Variants in GALNT14 observed in about 807,000 individuals in gnomAD.
GALNT14 encodes polypeptide N-acetylgalactosaminyltransferase 14.
GALNT14 carries 60 observed loss-of-function variants against 77.5 expected under a neutral mutation model. The ratio of observed to expected loss-of-function variants is 0.77; its 90% CI spans 0.63 to 0.96. The LOEUF is 0.96. GALNT14 is among the 40% of genes least tolerant of loss of function. GALNT14 has a pLI of 0.00. For missense variants in GALNT14, 710 were observed against 731.0 expected (o/e 0.97, Z 0.33); for synonymous variants, 280 against 281.7 (o/e 0.99, Z 0.06).
chr2:31,079,112 T>C, intron 1 of GALNT14: 1 of 1,200,454 alleles, frequency 8.3e-7, no homozygotes, highest in Non-Finnish European at 1.1e-6. Context: ...ATATTTGGCA[T>C]AGGTGACCAC....
chr2:31,027,509 C>G (rs1672142135), intron 1 of GALNT14, among the ~76,000 whole-genome samples: 1 of 151,826 alleles, frequency 6.6e-6, no homozygotes, highest in Non-Finnish European at 1.5e-5. Flanking sequence ...GACCATATAC[C>G]TTCAACCTCA....
chr2:30,916,927 A>T (rs1244727268), intron 13 of GALNT14, among the ~76,000 whole-genome samples: 1 of 151,846 alleles, frequency 6.6e-6, no homozygotes, highest in African/African-American at 2.4e-5. Context: ...ATATACAAAA[A>T]TTAGCCAGGT....
intron 1 of GALNT14, among the ~76,000 whole-genome samples, chr2:31,079,598 C>T (rs1676029303): frequency 6.6e-6 from 1 of 152,194 alleles, no homozygotes; most frequent in African/African-American, 2.4e-5. Context: ...CCTGCTGCCA[C>T]CAGACCTCCC....
intron 6 of GALNT14, among the ~76,000 whole-genome samples, chr2:30,953,393 C>T (rs1202701245): frequency 6.7e-6 from 1 of 150,122 alleles, no homozygotes; most frequent in Non-Finnish European, 1.5e-5. Flanking sequence ...ACTGCAACCA[C>T]TGCCTCCCTG....
intron 1 of GALNT14, among the ~76,000 whole-genome samples, chr2:31,026,037 C>T (rs953655808): frequency 5.3e-5 from 8 of 152,212 alleles, no homozygotes; most frequent in African/African-American, 1.9e-4. Context: ...ATCTTCATAG[C>T]ACACTGGTGT....
At chr2:31,035,618 T>TACAC (rs530565205) in intron 1 of GALNT14, among the ~76,000 whole-genome samples, 739 of 51,236 alleles carry the variant, frequency 0.014, 11 homozygotes, top group East Asian at 0.073. Flanking sequence ...CACACACACC[T>TACAC]ACACACACAC....
intron 2 of GALNT14, among the ~76,000 whole-genome samples, chr2:30,969,932 T>C (rs1440825922): frequency 6.6e-6 from 1 of 152,216 alleles, no homozygotes; most frequent in Non-Finnish European, 1.5e-5. Flanking sequence ...ATTTTGTAAC[T>C]GAGGCTCAGT....
the GALNT14 span, among the ~76,000 whole-genome samples, chr2:30,893,524 G>A: frequency 9.1e-4 from 138 of 152,270 alleles, no homozygotes; most frequent in African/African-American, 3.1e-3. Flanking sequence ...CATGTCACAA[G>A]GATAAAAGGA....
chr2:30,949,921 G>A (rs1666925088), intron 6 of GALNT14, among the ~76,000 whole-genome samples: 1 of 152,320 alleles, frequency 6.6e-6, no homozygotes, highest in South Asian at 2.1e-4. Context: ...AATCCTCAAG[G>A]AGGTGACATT....
chr2:30,930,958 C>A (rs1572985659), intron 10 of GALNT14, among the ~76,000 whole-genome samples: 1 of 152,254 alleles, frequency 6.6e-6, no homozygotes, highest in African/African-American at 2.4e-5. Flanking sequence ...GAGCCCCAGG[C>A]TCTGCCCCTC....
At chr2:30,904,093 C>G in the GALNT14 span, among the ~76,000 whole-genome samples, 1 of 152,150 alleles carries the variant, frequency 6.6e-6, no homozygotes, top group Non-Finnish European at 1.5e-5. Context: ...CTGGACCCAA[C>G]CCCACACCTA....
chr2:31,048,911 G>C (rs1429172507), intron 1 of GALNT14, among the ~76,000 whole-genome samples: 1 of 152,098 alleles, frequency 6.6e-6, no homozygotes, highest in African/African-American at 2.4e-5. Context: ...TGCCTGACCG[G>C]CTCATTCCCA....
intron 13 of GALNT14, among the ~76,000 whole-genome samples, chr2:30,913,580 C>T (rs1664500028): frequency 6.6e-6 from 1 of 152,182 alleles, no homozygotes; most frequent in South Asian, 2.1e-4. Context: ...GGAGGAACCA[C>T]TCCCACAGGC....
chr2:30,949,144 C>T (rs934476956), intron 6 of GALNT14, among the ~76,000 whole-genome samples: 32 of 152,138 alleles, frequency 2.1e-4, no homozygotes, highest in African/African-American at 7.7e-4. Context: ...TAATGAGTCA[C>T]CAAAGTCAGG....
chr2:31,104,200 C>T (rs921566547), intron 1 of GALNT14, among the ~76,000 whole-genome samples: 1 of 152,102 alleles, frequency 6.6e-6, no homozygotes, highest in South Asian at 2.1e-4. Context: ...TTATTGTTTA[C>T]TTCACCATTC....
chr2:31,012,825 T>C (rs1671114715), intron 1 of GALNT14, among the ~76,000 whole-genome samples: 1 of 151,494 alleles, frequency 6.6e-6, no homozygotes, highest in Admixed American at 6.6e-5. Context: ...CCAGTCTAAA[T>C]AAAAACAACT....
chr2:31,121,750 T>C (rs1678425545), intron 1 of GALNT14, among the ~76,000 whole-genome samples: 4 of 152,042 alleles, frequency 2.6e-5, no homozygotes, highest in Admixed American at 2.0e-4. Context: ...TCCTAGATGG[T>C]GTTAGTCATG....
At chr2:31,077,438 T>C (rs1051682358) in intron 1 of GALNT14, among the ~76,000 whole-genome samples, 3 of 152,200 alleles carry the variant, frequency 2.0e-5, no homozygotes, top group Non-Finnish European at 4.4e-5. Flanking sequence ...CTCTTTAAAT[T>C]CTGTCCTTTT....
Position 31,122,147 on chromosome 2 carries a change from A to T in GALNT14, c.129+15811T>A, listed in dbSNP as rs142732691. On this transcript the variant is annotated intron_variant, in intron 1 of 14. Coordinates refer to ENST00000349752, the MANE Select transcript of GALNT14 (RefSeq NM_024572.4). The stretch of plus-strand genomic sequence containing the variant: ...CCCAGAAGGTAGCAGAGCCCAATTA[A>T]AATGGCTGTGTGATGCCCCTAGGAA... Among the ~76,000 whole-genome samples the T allele has an allele frequency of 2.0e-4, 30 of 152,314 alleles. No homozygotes were observed. In the East Asian group the frequency reaches 5.0e-3, roughly 26 times the overall value.
Sources: allele counts gnomAD v4.1 joint callset (sites outside exome capture counted in the v4.1 genomes callset), GRCh38; gene constraint gnomAD v4.1.1; transcripts MANE v1.5; gene names NCBI Gene and HGNC (gene_info 2026-07-23, HGNC 2026-07-21).